Variants in SEC14L4 observed in about 807,000 individuals in gnomAD.
SEC14L4 encodes the protein SEC14 like lipid binding 4, also known as SEC14-like protein 4.
Under a neutral mutation model 55.1 loss-of-function variants are expected in SEC14L4, and 42 were observed. That is an observed-to-expected ratio of 0.76 (90% CI 0.60 to 0.99). SEC14L4 has a LOEUF of 0.99. SEC14L4 is among the 50% of genes least tolerant of loss of function. SEC14L4 has a pLI of 0.00. For missense variants in SEC14L4, 445 were observed against 512.1 expected, an observed-to-expected ratio of 0.87 and a Z score of 1.27; for synonymous variants, 206 against 206.8, an observed-to-expected ratio of 1.00 and a Z score of 0.03.
At position 30,492,052 on chromosome 22, in the gene SEC14L4, G is replaced by C. The variant is rs967699185; in HGVS notation, c.768C>G (p.Thr256=). Residue 256 remains threonine, a synonymous_variant, in exon 9 of 12, where the codon ACC becomes ACG. Transcript: ENST00000255858. The part of the protein sequence containing the change: ...TDPDGNPKCL[T]KINYGGEVPK... Reference sequence around the variant, plus strand: ...CCATCCTCTGGGCACCCTGTACCTTGGTCAGGCACTTGGGGTTGCCATCGG... The same window carrying C: ...CCATCCTCTGGGCACCCTGTACCTTCGTCAGGCACTTGGGGTTGCCATCGG... The C allele has an allele frequency of 6.2e-7, 1 of 1,613,838 alleles. No homozygotes were observed. The highest frequency in any genetic ancestry group is 8.5e-7 in the Non-Finnish European group (1 of 1,179,816).
intron 8 of SEC14L4, 89 bp downstream of exon 8, chr22:30,492,385 T>C: frequency 1.5e-6 from 2 of 1,306,402 alleles, no homozygotes; most frequent in Non-Finnish European, 2.2e-6. Context: ...AGTGCCCGAG[T>C]AGAGGACGAG....
intron 2 of SEC14L4, among the ~76,000 whole-genome samples, chr22:30,496,290 ATT>A (rs35492080): frequency 2.1e-5 from 3 of 146,198 alleles, no homozygotes; most frequent in African/African-American, 5.0e-5. Flanking sequence ...TTTTTTTTAG[ATT>A]TTTTTTTTTT....
rs1935872189 is a variant in SEC14L4 at position 30,489,151 on chromosome 22, G to A, written c.*956C>T. ...AGACTCAGTCGTTACCCACTCAACT[G>A]GAAGGCTGAGCATGGCTTTTTCCTC... On this transcript the variant is annotated 3_prime_UTR_variant, in exon 12 of 12. Transcript: ENST00000255858. 1 of 152,830 alleles carries A rather than the reference G, an allele frequency of 6.5e-6. No individual in the cohort carries two copies. 9.5% of individuals were successfully genotyped at this position (152,830 alleles called of 1,614,324 possible).
intron 1 of SEC14L4, 144 bp downstream of exon 1, chr22:30,505,414 C>G: frequency 1.2e-6 from 1 of 858,880 alleles, no homozygotes; most frequent in Non-Finnish European, 1.9e-6. Context: ...CCTCAACAAC[C>G]GCACGCTGGA....
At chr22:30,501,823 A>T (rs1240299047) in intron 2 of SEC14L4, among the ~76,000 whole-genome samples, 1 of 133,760 alleles carries the variant, frequency 7.5e-6, no homozygotes, top group Non-Finnish European at 1.5e-5. Context: ...TAAAGTTTTT[A>T]TATATATATA....
intron 2 of SEC14L4, among the ~76,000 whole-genome samples, chr22:30,496,569 C>G (rs370143276): frequency 2.0e-5 from 3 of 152,000 alleles, no homozygotes; most frequent in Admixed American, 1.3e-4. Context: ...ACACCCCCCC[C>G]CACCACCTGC....
chr22:30,490,420 GC>G, intron 11 of SEC14L4, 174 bp from the exon 12 acceptor site: 1 of 974,894 alleles, frequency 1.0e-6, no homozygotes, highest in Non-Finnish European at 1.5e-6. Flanking sequence ...GGGCCTGAGG[GC>G]CAGCCTGTGC....
intron 1 of SEC14L4, among the ~76,000 whole-genome samples, chr22:30,504,065 T>TTAC (rs1936418749): frequency 6.7e-6 from 1 of 149,648 alleles, no homozygotes; most frequent in Admixed American, 6.7e-5. Context: ...ATTATTATTA[T>TTAC]TATTATTATT....
chr22:30,504,483 A>G (rs1296634834), intron 1 of SEC14L4, among the ~76,000 whole-genome samples: 1 of 152,182 alleles, frequency 6.6e-6, no homozygotes, highest in Non-Finnish European at 1.5e-5. Context: ...AACCTCTCTA[A>G]GCCTCAGTTT....
chr22:30,495,579 T>C lies in SEC14L4; in HGVS notation c.234+4A>G. The C allele has an allele frequency of 1.2e-6, 2 of 1,613,860 alleles. No individual in the cohort carries two copies. The highest frequency in any genetic ancestry group is 1.1e-5 in the South Asian group (1 of 91,072). On this transcript the variant is annotated splice_donor_region_variant and intron_variant, in intron 4 of 11. Coordinates refer to ENST00000255858, the MANE Select transcript of SEC14L4 (RefSeq NM_174977.4). ...TGGCCTGGGGGATGCTGCTCGAGGC[T>C]CACCTCAGGGGGCTGCCATGTGACA... is the stretch of plus-strand genomic sequence containing the variant.
Position 30,489,933 on chromosome 22 carries a change from G to A in SEC14L4, c.*174C>T, listed in dbSNP as rs1935895575. 5 of 1,551,966 alleles carry A rather than the reference G, an allele frequency of 3.2e-6. No individual in the cohort carries two copies. The highest frequency in any genetic ancestry group is 1.2e-5 in the South Asian group (1 of 84,100). On this transcript the variant is annotated 3_prime_UTR_variant, in exon 12 of 12. Coordinates refer to ENST00000255858, the MANE Select transcript of SEC14L4 (RefSeq NM_174977.4). ...AATCTTCAGCATGGGCTATGCACTG[G>A]TGGCCCCTTCCTGCTTGGCCACTGT...
rs770244560 is a variant in SEC14L4, at chr22:30,505,650, G to A, written c.-39C>T. The stretch of plus-strand genomic sequence containing the variant: ...GCAGAAAGGCTCAGGGCGCAGGTCC[G>A]CCCGCCCGCCGCCGCCTGGCCTTGT... On this transcript the variant is annotated 5_prime_UTR_variant, in exon 1 of 12. Transcript: ENST00000255858. 83 of 1,513,252 alleles carry A rather than the reference G, an allele frequency of 5.5e-5. No homozygotes were observed. The African/African-American group carries it at 7.3e-4, about 13-fold the overall frequency. The allele number at this position is 1,513,252 out of a possible 1,614,324, so 93.7% of individuals were successfully genotyped here. A position where few individuals can be genotyped will look rare whatever the true frequency, so the allele number is the denominator to read the frequency against.
intron 2 of SEC14L4, among the ~76,000 whole-genome samples, chr22:30,500,526 C>G (rs1242956092): frequency 6.6e-6 from 1 of 151,848 alleles, no homozygotes; most frequent in African/African-American, 2.4e-5. Flanking sequence ...ACCAACACAC[C>G]CGGCTTATTT....
chr22:30,492,326 C>A, intron 8 of SEC14L4, 148 bp downstream of exon 8: 1 of 1,139,994 alleles, frequency 8.8e-7, no homozygotes, highest in Non-Finnish European at 1.3e-6. Context: ...GTCTAGGACC[C>A]AAGGCATTGC....
intron 7 of SEC14L4, 28 bp downstream of exon 7, chr22:30,494,122 C>T (rs750765631): frequency 6.4e-7 from 1 of 1,569,992 alleles, no homozygotes; most frequent in African/African-American, 1.4e-5. Context: ...TCTCCCTCCC[C>T]AGGAGGTCAT....
At chr22:30,496,206 T>C (rs1268854084) in intron 2 of SEC14L4, among the ~76,000 whole-genome samples, 2 of 152,150 alleles carry the variant, frequency 1.3e-5, no homozygotes, top group African/African-American at 4.8e-5. Flanking sequence ...CTGTGGCCTC[T>C]GGCCCAGGTG....
intron 2 of SEC14L4, among the ~76,000 whole-genome samples, chr22:30,501,450 A>C (rs908642012): frequency 6.6e-6 from 1 of 152,216 alleles, no homozygotes; most frequent in Non-Finnish European, 1.5e-5. Context: ...TGCTGTATCA[A>C]GGGGCTTCAA....
At chr22:30,495,861 C>G in intron 3 of SEC14L4, 67 bp downstream of exon 3, 1 of 1,593,212 alleles carries the variant, frequency 6.3e-7, no homozygotes, top group Non-Finnish European at 8.6e-7. Context: ...GAGTCTCTAC[C>G]CTTTTGCAGC....
intron 7 of SEC14L4, among the ~76,000 whole-genome samples, chr22:30,493,290 C>T (rs1427858532): frequency 6.6e-6 from 1 of 152,100 alleles, no homozygotes; most frequent in Non-Finnish European, 1.5e-5. Flanking sequence ...CTGAATTGCT[C>T]ACACTCAACT....
Sources: allele counts gnomAD v4.1 joint callset (sites outside exome capture counted in the v4.1 genomes callset), GRCh38; gene constraint gnomAD v4.1.1; transcripts MANE v1.5; gene names NCBI Gene and HGNC (gene_info 2026-07-23, HGNC 2026-07-21).